Variants in TEX11 observed in about 807,000 individuals in gnomAD.
TEX11 encodes testis-expressed protein 11.
TEX11 carries 7 observed loss-of-function variants against 84.4 expected under a neutral mutation model. The observed-to-expected ratio is 0.08, with a 90% CI of 0.05 to 0.16. The LOEUF is 0.16. Among genes scored for constraint, TEX11 ranks in the 10% least tolerant of loss-of-function variants. The pLI is 1.00. For missense variants in TEX11, 551 were observed against 660.5 expected, an observed-to-expected ratio of 0.83 and a Z score of 1.82; for synonymous variants, 264 against 222.8, an observed-to-expected ratio of 1.18 and a Z score of -1.64.
chrX:70,844,174 C>T lies in TEX11; in HGVS notation c.525+8860G>A, dbSNP rs184475394. Among the ~76,000 whole-genome samples the T allele has an allele frequency of 8.6e-4, 95 of 109,831 alleles. No homozygotes were observed. The East Asian group carries it at 0.015, about 18-fold the overall frequency. On this transcript the variant is annotated intron_variant, in intron 7 of 29. Transcript: ENST00000374333. ...GACACATGCACACGTATGTTTATAG[C>T]GGCACTATTCACAATAGCAAAGACT...
At chrX:70,836,097 G>C (rs1204273590) in intron 7 of TEX11, among the ~76,000 whole-genome samples, 4 of 80,458 alleles carry the variant, frequency 5.0e-5, no homozygotes, top group African/African-American at 1.8e-4. Context: ...GCAATAGAGT[G>C]AGACTCTGTC....
chrX:70,856,014 T>C (rs1162175571), intron 5 of TEX11, among the ~76,000 whole-genome samples: 1 of 111,444 alleles, frequency 9.0e-6, no homozygotes, highest in Non-Finnish European at 1.9e-5. Context: ...TACAAGCATA[T>C]GACTAAGATA....
At chrX:70,515,268 A>AC in the TEX11 span, among the ~76,000 whole-genome samples, 393 of 76,259 alleles carry the variant, frequency 5.2e-3, 5 homozygotes, top group African/African-American at 0.013. Flanking sequence ...TCCCTCCTCC[A>AC]CCCCCCCCCA....
intron 8 of TEX11, among the ~76,000 whole-genome samples, chrX:70,829,069 T>C (rs1320684450): frequency 1.8e-5 from 2 of 112,083 alleles, no homozygotes; most frequent in Non-Finnish European, 3.8e-5. Flanking sequence ...AGGGATTTCA[T>C]GAACACCAGA....
At chrX:70,586,248 A>C (rs995858805) in intron 25 of TEX11, among the ~76,000 whole-genome samples, 1 of 112,446 alleles carries the variant, frequency 8.9e-6, no homozygotes, top group Non-Finnish European at 1.9e-5. Context: ...ATAAATCTTC[A>C]TGACTTTGGA....
rs1470490760 is a variant in TEX11 at position 70,610,500 on chromosome X, T to C, written c.1792+3A>G. 8.3e-7 allele frequency: 1 copy of C among 1,203,163 alleles called. No individual in the cohort carries two copies. Among genetic ancestry groups the C allele is most frequent in the Non-Finnish European group, 1.1e-6 (1 of 891,449 alleles). On this transcript the variant is annotated splice_donor_region_variant and intron_variant, in intron 21 of 29. Transcript: ENST00000374333. ...GACTGAATATAACCAGGGAGATATT[T>C]ACCTCTATTCAGGCAAGTCAAAAGT...
intron 28 of TEX11, among the ~76,000 whole-genome samples, chrX:70,533,536 A>G (rs766721798): frequency 3.6e-5 from 4 of 111,447 alleles, no homozygotes; most frequent in Non-Finnish European, 7.5e-5. Context: ...AAAATAAAGG[A>G]CAAAGGAAAA....
At chrX:70,883,474 T>C (rs2091693533) in intron 2 of TEX11, among the ~76,000 whole-genome samples, 1 of 110,995 alleles carries the variant, frequency 9.0e-6, no homozygotes, top group Non-Finnish European at 1.9e-5. Context: ...TGGTCCCAGC[T>C]ACTCGGGTGG....
At chrX:70,819,751 C>A (rs926964011) in intron 8 of TEX11, among the ~76,000 whole-genome samples, 10 of 111,734 alleles carry the variant, frequency 8.9e-5, no homozygotes, top group Non-Finnish European at 1.5e-4. Flanking sequence ...AATCAACATA[C>A]AAGTATCAGT....
At chrX:70,747,283 G>A (rs1021830055) in intron 9 of TEX11, among the ~76,000 whole-genome samples, 25 of 112,001 alleles carry the variant, frequency 2.2e-4, no homozygotes, top group African/African-American at 7.8e-4. Context: ...TGAACTATGT[G>A]GATGCAGGGG....
chrX:70,511,752 C>CAAAAAAAAAAAA, the TEX11 span, among the ~76,000 whole-genome samples: 13 of 32,705 alleles, frequency 4.0e-4, no homozygotes, highest in Non-Finnish European at 6.1e-4. Flanking sequence ...GACTCCATCT[C>CAAAAAAAAAAAA]AAAAAAAAAA....
chrX:70,512,316 T>C, the TEX11 span, among the ~76,000 whole-genome samples: 1 of 108,056 alleles, frequency 9.3e-6, no homozygotes, highest in South Asian at 4.0e-4. Flanking sequence ...CCTCCTGAGT[T>C]CAAGCGATTC....
intron 8 of TEX11, among the ~76,000 whole-genome samples, chrX:70,826,225 C>T (rs2091345120): frequency 9.5e-6 from 1 of 105,323 alleles, no homozygotes; most frequent in Non-Finnish European, 1.9e-5. Flanking sequence ...GCAGGAGGAT[C>T]GTTTGAACCC....
intron 13 of TEX11, among the ~76,000 whole-genome samples, chrX:70,704,509 C>T (rs1356081579): frequency 2.7e-5 from 3 of 111,243 alleles, no homozygotes; most frequent in Non-Finnish European, 5.7e-5. Context: ...GTCCAGTACT[C>T]GAAATCATTA....
intron 24 of TEX11, among the ~76,000 whole-genome samples, chrX:70,594,216 C>A (rs2088973867): frequency 9.0e-6 from 1 of 111,135 alleles, no homozygotes; most frequent in Non-Finnish European, 1.9e-5. Flanking sequence ...ACAACATATC[C>A]AAAGTGATCA....
At chrX:70,785,039 A>G (rs1015321194) in intron 9 of TEX11, among the ~76,000 whole-genome samples, 1 of 112,075 alleles carries the variant, frequency 8.9e-6, no homozygotes, top group Non-Finnish European at 1.9e-5. Flanking sequence ...AGCAAAAAGA[A>G]CAAAGCTGGA....
At chrX:70,778,392 C>T (rs1192866795) in intron 9 of TEX11, among the ~76,000 whole-genome samples, 1 of 111,385 alleles carries the variant, frequency 9.0e-6, no homozygotes, top group East Asian at 2.8e-4. Flanking sequence ...CCCACAATTC[C>T]TATGTTGAAA....
intron 28 of TEX11, among the ~76,000 whole-genome samples, chrX:70,550,440 C>T (rs750925023): frequency 9.0e-6 from 1 of 111,451 alleles, no homozygotes; most frequent in Non-Finnish European, 1.9e-5. Flanking sequence ...AGGAAACAAT[C>T]AACAAAGTGA....
intron 8 of TEX11, among the ~76,000 whole-genome samples, chrX:70,809,721 TAG>T (rs1040021850): frequency 7.2e-5 from 8 of 110,724 alleles, no homozygotes; most frequent in African/African-American, 2.0e-4. Context: ...TTTTTTGAGA[TAG>T]AGTCACTCCG....
Sources: gnomAD v4.1 joint callset for allele counts (sites outside exome capture counted in the v4.1 genomes callset) on GRCh38, gnomAD v4.1.1 for gene constraint, MANE v1.5 for transcripts, NCBI Gene and HGNC (gene_info 2026-07-23, HGNC 2026-07-21) for gene names.